Variants in RBFOX1 observed in about 807,000 individuals in gnomAD.
RBFOX1 encodes the protein RNA binding fox-1 homolog 1.
Under a neutral mutation model 57.7 loss-of-function variants are expected in RBFOX1, and 8 were observed. The observed-to-expected ratio is 0.14, with a 90% CI of 0.08 to 0.25. The LOEUF is 0.25. Ranked by LOEUF, RBFOX1 falls within the 10% of genes least tolerant of loss-of-function variation. The probability of loss-of-function intolerance (pLI) is 1.00; values close to 1 mark genes in which losing one functional copy is unlikely to be tolerated. For missense variants in RBFOX1, 611 were observed against 548.5 expected (o/e 1.11, Z -1.14); for synonymous variants, 326 against 222.4 (o/e 1.47, Z -4.15).
At chr16:5,535,607 C>T (rs1447851783) in intron 2 of RBFOX1, among the ~76,000 whole-genome samples, 1 of 152,174 alleles carries the variant, frequency 6.6e-6, no homozygotes, top group Admixed American at 6.5e-5. Context: ...CTGGGTCATG[C>T]TTCTCTTTTT....
chr16:7,257,212 C>T (rs2094725576), intron 4 of RBFOX1, among the ~76,000 whole-genome samples: 1 of 152,114 alleles, frequency 6.6e-6, no homozygotes, highest in African/African-American at 2.4e-5. Flanking sequence ...AACATCTTCC[C>T]ATCCCCGGGG....
At chr16:5,506,706 A>T (rs1043685556) in intron 2 of RBFOX1, among the ~76,000 whole-genome samples, 1 of 151,990 alleles carries the variant, frequency 6.6e-6, no homozygotes, top group African/African-American at 2.4e-5. Context: ...GGTGTGGGTT[A>T]CGGCTTCCCC....
At chr16:5,827,453 T>G (rs1254771401) in intron 3 of RBFOX1, among the ~76,000 whole-genome samples, 2 of 151,236 alleles carry the variant, frequency 1.3e-5, no homozygotes, top group Non-Finnish European at 1.5e-5. Flanking sequence ...ACAACTCATA[T>G]TCTACTTCTA....
intron 4 of RBFOX1, among the ~76,000 whole-genome samples, chr16:5,986,928 T>G (rs937491459): frequency 6.6e-6 from 1 of 152,224 alleles, no homozygotes; most frequent in Non-Finnish European, 1.5e-5. Context: ...ATTGGATGTT[T>G]AGTTTATGTG....
intron 2 of RBFOX1, among the ~76,000 whole-genome samples, chr16:6,413,007 C>A (rs1161701925): frequency 1.3e-5 from 2 of 152,112 alleles, no homozygotes; most frequent in Non-Finnish European, 2.9e-5. Context: ...AATTACAACA[C>A]CAGGCTCAGC....
chr16:5,993,804 C>T lies in RBFOX1; in HGVS notation c.351+126469C>T, dbSNP rs115956164. ...GGCTTGAATATTGCCGCTCATATGG[C>T]CGAATGGTTCGTTTAAGTTAAATAC... On this transcript the variant is annotated intron_variant, in intron 4 of 19. Coordinates refer to the RBFOX1 transcript ENST00000641259. 1.6e-3 allele frequency among the ~76,000 whole-genome samples: 249 copies of T among 152,152 alleles called. 1 individual carries two copies. The highest frequency in any genetic ancestry group is 5.5e-3 in the African/African-American group (227 of 41,504).
At chr16:6,000,666 T>C (rs1483501981) in intron 4 of RBFOX1, among the ~76,000 whole-genome samples, 1 of 151,816 alleles carries the variant, frequency 6.6e-6, no homozygotes, top group African/African-American at 2.4e-5. Flanking sequence ...GGTGGATGGG[T>C]AGATGAATGG....
At chr16:6,057,768 C>G (rs1381466653) in intron 1 of RBFOX1, among the ~76,000 whole-genome samples, 1 of 145,052 alleles carries the variant, frequency 6.9e-6, no homozygotes, top group South Asian at 2.2e-4. Flanking sequence ...GCAATTTTCT[C>G]ATTTTGCCAA....
At position 6,119,644 on chromosome 16, in the gene RBFOX1, A is replaced by C. The variant is rs528011647; in HGVS notation, c.-127+99652A>C. ...ATTATTGACTCAACATTTATTTTGA[A>C]GGTGAGCTATAATCTAAAACTGTCA... On this transcript the variant is annotated intron_variant, in intron 1 of 15. Coordinates refer to ENST00000550418, the MANE Select transcript of RBFOX1 (RefSeq NM_018723.4). Among the ~76,000 whole-genome samples the C allele has an allele frequency of 3.3e-5, 5 of 152,274 alleles. No homozygotes were observed. The South Asian group carries it at 1.0e-3, about 32-fold the overall frequency.
chr16:6,203,701 C>T (rs1018376149), intron 1 of RBFOX1, among the ~76,000 whole-genome samples: 2 of 152,088 alleles, frequency 1.3e-5, no homozygotes, highest in African/African-American at 2.4e-5. Flanking sequence ...TGATAACAAG[C>T]GTTGGTGAAG....
intron 2 of RBFOX1, among the ~76,000 whole-genome samples, chr16:6,595,962 A>G (rs1222738937): frequency 6.6e-6 from 1 of 152,032 alleles, no homozygotes; most frequent in Non-Finnish European, 1.5e-5. Context: ...AGTTTTATAT[A>G]AGGGTTTTAA....
At chr16:6,087,154 A>G (rs2096098258) in intron 1 of RBFOX1, among the ~76,000 whole-genome samples, 1 of 152,182 alleles carries the variant, frequency 6.6e-6, no homozygotes, top group South Asian at 2.1e-4. Flanking sequence ...ATTTATGAGG[A>G]TAGATTCATT....
chr16:5,794,909 C>A (rs117630720), intron 3 of RBFOX1, among the ~76,000 whole-genome samples: 3,254 of 152,242 alleles, frequency 0.021, 60 homozygotes, highest in Non-Finnish European at 0.031. Flanking sequence ...CACATGGGAT[C>A]CCAGTCTACA....
At chr16:5,798,579 T>C (rs1265833375) in intron 3 of RBFOX1, among the ~76,000 whole-genome samples, 1 of 152,160 alleles carries the variant, frequency 6.6e-6, no homozygotes, top group African/African-American at 2.4e-5. Flanking sequence ...AAATGATTGT[T>C]AGGGCAACAG....
At chr16:5,851,984 G>A (rs1291535092) in intron 3 of RBFOX1, among the ~76,000 whole-genome samples, 1 of 152,144 alleles carries the variant, frequency 6.6e-6, no homozygotes, top group East Asian at 1.9e-4. Flanking sequence ...ATATGAGTTA[G>A]GGCTGTTTCC....
chr16:5,516,052 T>C (rs1418360735), intron 2 of RBFOX1, among the ~76,000 whole-genome samples: 1 of 152,174 alleles, frequency 6.6e-6, no homozygotes, highest in Non-Finnish European at 1.5e-5. Flanking sequence ...AGGTAGCTAG[T>C]CTTAGTACAG....
intron 4 of RBFOX1, among the ~76,000 whole-genome samples, chr16:7,278,799 T>A (rs570106613): frequency 6.6e-6 from 1 of 152,352 alleles, no homozygotes; most frequent in African/African-American, 2.4e-5. Context: ...TACACTGATA[T>A]TCATTCTGAA....
chr16:5,444,979 A>G (rs1013926785), intron 1 of RBFOX1, among the ~76,000 whole-genome samples: 7 of 152,296 alleles, frequency 4.6e-5, no homozygotes, highest in South Asian at 4.1e-4. Flanking sequence ...CTCTGGGGAA[A>G]TCAACACCCT....
At chr16:7,064,074 A>T (rs2055296858) in intron 4 of RBFOX1, among the ~76,000 whole-genome samples, 1 of 151,930 alleles carries the variant, frequency 6.6e-6, no homozygotes, top group East Asian at 1.9e-4. Context: ...TCAGAATGTG[A>T]CTGTACTTGA....
Sources: allele counts gnomAD v4.1 joint callset (sites outside exome capture counted in the v4.1 genomes callset), GRCh38; gene constraint gnomAD v4.1.1; transcripts MANE v1.5; gene names NCBI Gene and HGNC (gene_info 2026-07-23, HGNC 2026-07-21).